Variants in MMP25 observed in about 807,000 individuals in gnomAD.
MMP25 encodes matrix metallopeptidase 25.
A neutral mutation model predicts 62.1 loss-of-function variants in MMP25; 68 were observed. The ratio of observed to expected loss-of-function variants is 1.10; its 90% CI spans 0.90 to 1.34. The LOEUF (loss-of-function observed/expected upper bound fraction) is 1.34, where lower values mean the gene tolerates loss of function less well. Ranked by LOEUF, MMP25 falls within the 40% of genes most tolerant of loss-of-function variation. MMP25 has a pLI of 0.00. For missense variants in MMP25, 942 were observed against 792.5 expected (o/e 1.19, Z -2.26); for synonymous variants, 407 against 345.6 (o/e 1.18, Z -1.97).
rs1273849750 is a variant in MMP25 at position 3,060,540 on chromosome 16, T to A, written c.*1442T>A. On this transcript the variant is annotated 3_prime_UTR_variant, in exon 10 of 10. Transcript: ENST00000336577. ...CAACCATGCGAGGGGTTGCCCCAGT[T>A]GCTCATACAAACAGATCAGCATGAG... The A allele has an allele frequency of 6.6e-6, 1 of 152,174 alleles. No homozygotes were observed. The highest frequency in any genetic ancestry group is 1.9e-4 in the East Asian group (1 of 5,188). The allele number at this position is 152,174 out of a possible 1,614,324, so 9.4% of individuals were successfully genotyped here.
Position 3,058,281 on chromosome 16 carries a change from G to A in MMP25, c.1107G>A (p.Val369=). 4 of 1,608,932 alleles carry A rather than the reference G, an allele frequency of 2.5e-6. No homozygotes were observed. Among genetic ancestry groups the A allele is most frequent in the Non-Finnish European group, 2.5e-6 (3 of 1,178,586 alleles). Residue 369 remains valine (V), a synonymous_variant, in exon 8 of 10, where the codon GTG becomes GTA. Transcript: ENST00000336577. ...FWEGLPAQVR[V]VQAAYARHRD... The stretch of plus-strand genomic sequence containing the variant: ...AGGGGCTGCCCGCCCAGGTGAGGGT[G>A]GTGCAGGCCGCCTATGCTCGGCACC...
At position 3,058,902 on chromosome 16, in the gene MMP25, C is replaced by G. The variant is rs761320147; in HGVS notation, c.1493C>G (p.Pro498Arg). Residue 498 changes from proline to arginine, a missense_variant, in exon 10 of 10, where the codon CCC (proline) becomes CGC (arginine). By Grantham distance (103) the Pro-to-Arg change is moderately radical. Coordinates refer to ENST00000336577, the MANE Select transcript of MMP25 (RefSeq NM_022468.5). ...KNSIKTEPDAPQPMGPNWLDC... is the reference protein window; with the variant it reads ...KNSIKTEPDARQPMGPNWLDC... ...AGCATCAAGACCGAGCCGGACGCCC[C>G]CCAGCCCATGGGGCCCAACTGGCTG... 7 of 1,555,278 alleles carry G rather than the reference C, an allele frequency of 4.5e-6. No homozygotes were observed. In the South Asian group the frequency reaches 5.9e-5, roughly 13 times the overall value.
In MMP25 at chr16:3,057,154, C is replaced by A. The variant is rs1376345142; in HGVS notation, c.783C>A (p.Asp261Glu). 1 of 1,613,420 alleles carries A rather than the reference C, an allele frequency of 6.2e-7. No homozygotes were observed. Among genetic ancestry groups the A allele is most frequent in the Non-Finnish European group, 8.5e-7 (1 of 1,179,724 alleles). ...MRPFYQGPVGDPDKYRLSQDD... is the reference protein window; with the variant it reads ...MRPFYQGPVGEPDKYRLSQDD... ...CCTTCTACCAGGGTCCGGTGGGCGA[C>A]CCTGACAAGTACCGCCTGTCTCAGG... Residue 261 changes from aspartate to glutamate, a missense_variant, in exon 5 of 10, where the codon GAC becomes GAA. Coordinates refer to ENST00000336577, the MANE Select transcript of MMP25 (RefSeq NM_022468.5).
intron 4 of MMP25, chr16:3,055,937 G>T (rs1217642167): frequency 2.2e-6 from 1 of 455,476 alleles, no homozygotes; most frequent in African/African-American, 2.0e-5. Flanking sequence ...GCAGTCCTGA[G>T]CGCCTGAGCT....
chr16:3,047,924 C>T (rs1041583222), intron 2 of MMP25, among the ~76,000 whole-genome samples: 1 of 151,170 alleles, frequency 6.6e-6, no homozygotes, highest in African/African-American at 2.4e-5. Context: ...ACCGCAACCT[C>T]TGCCTCCCAG....
At chr16:3,050,215 C>T (rs756902468) in intron 3 of MMP25, 39 bp from the exon 4 acceptor site, 2 of 1,575,574 alleles carry the variant, frequency 1.3e-6, no homozygotes, top group Non-Finnish European at 8.6e-7. Flanking sequence ...TGCCTGCTCC[C>T]TCCACGGCCA....
At position 3,050,554 on chromosome 16, in the gene MMP25, C is replaced by T. The variant is rs771692165; in HGVS notation, c.661+8C>T. On this transcript the variant is annotated splice_region_variant and intron_variant, in intron 4 of 9. Transcript: ENST00000336577. ...GGACTTTTGGGTCAAAAGGTAAAAT[C>T]TCCTCTCTTATGAGAGATCCTCTTG... 38 of 1,527,598 alleles carry T rather than the reference C, an allele frequency of 2.5e-5. No homozygotes were observed. The East Asian group carries it at 6.6e-4, about 26-fold the overall frequency. 94.6% of individuals were successfully genotyped at this position (1,527,598 alleles called of 1,614,324 possible). A position where few individuals can be genotyped will look rare whatever the true frequency, so the allele number is the denominator to read the frequency against.
chr16:3,057,315 G>T lies in MMP25; in HGVS notation c.844G>T (p.Ala282Ser). 1 of 1,614,000 alleles carries T rather than the reference G, an allele frequency of 6.2e-7. No homozygotes were observed. The highest frequency in any genetic ancestry group is 1.7e-5 in the Admixed American group (1 of 60,020). ...GCCTGACTCTTTCCTCACAGGGAAG[G>T]CGCCCCAAACCCCATATGACAAGCC... Reference protein sequence around the residue: ...RDGLQQLYGKAPQTPYDKPTR... With the variant: ...RDGLQQLYGKSPQTPYDKPTR... The change falls in exon 6 of 10, where the codon GCG becomes TCG. Residue 282 changes from alanine (A) to serine (S), a missense_variant. By Grantham distance (99) the Ala-to-Ser change is moderately conservative. Coordinates refer to ENST00000336577, the MANE Select transcript of MMP25 (RefSeq NM_022468.5).
intron 4 of MMP25, 117 bp downstream of exon 4, chr16:3,050,663 G>C (rs1156887951): frequency 5.6e-6 from 6 of 1,074,820 alleles, no homozygotes; most frequent in Non-Finnish European, 6.4e-6. Flanking sequence ...GCTCAGGCTA[G>C]AGTGCAGTGG....
rs1955839623 is a variant in MMP25, at chr16:3,047,624, T to C, written c.232+77T>C. 6 of 1,506,166 alleles carry C rather than the reference T, an allele frequency of 4.0e-6. No individual in the cohort carries two copies. The South Asian group carries it at 6.0e-5, about 15-fold the overall frequency. The allele number at this position is 1,506,166 out of a possible 1,614,324, so 93.3% of individuals were successfully genotyped here. On this transcript the variant is annotated intron_variant, in intron 2 of 9. Transcript: ENST00000336577. ...CCGCCCAACAGCCTTTAGACCTCAGTGTGCTCCTGGAACACGGAGCTGTGA... is the reference window on the plus strand; with the variant it reads ...CCGCCCAACAGCCTTTAGACCTCAGCGTGCTCCTGGAACACGGAGCTGTGA...
At chr16:3,051,197 ATGTGTG>A (rs554206179) in intron 4 of MMP25, 2 of 150,756 alleles carry the variant, frequency 1.3e-5, no homozygotes, top group African/African-American at 2.4e-5. Context: ...TGTGTGTGGG[ATGTGTG>A]TGTGTGTGTA....
intron 2 of MMP25, among the ~76,000 whole-genome samples, chr16:3,048,305 C>T (rs1955850862): frequency 6.6e-6 from 1 of 152,222 alleles, no homozygotes; most frequent in African/African-American, 2.4e-5. Context: ...GAGACCCAGT[C>T]TCTAACCAAA....
intron 9 of MMP25, 29 bp from the exon 10 acceptor site, chr16:3,058,798 G>A: frequency 6.7e-7 from 1 of 1,496,128 alleles, no homozygotes; most frequent in Non-Finnish European, 8.9e-7. Flanking sequence ...GGGCGGGGAG[G>A]GACCGGGACT....
At chr16:3,048,654 G>A (rs1955855026) in intron 2 of MMP25, among the ~76,000 whole-genome samples, 1 of 152,124 alleles carries the variant, frequency 6.6e-6, no homozygotes. Flanking sequence ...GCAGAAGCTT[G>A]TGTGCCTGGA....
intron 7 of MMP25, 62 bp downstream of exon 7, chr16:3,057,675 G>GAAGT: frequency 6.9e-7 from 1 of 1,456,660 alleles, no homozygotes; most frequent in Non-Finnish European, 9.6e-7. Context: ...TGACCCACTG[G>GAAGT]GGCTGTGGGC....
At chr16:3,058,040 CG>C (rs1328086688) in intron 7 of MMP25, 140 bp from the exon 8 acceptor site, 3 of 983,714 alleles carry the variant, frequency 3.0e-6, no homozygotes, top group Non-Finnish European at 4.4e-6. Context: ...AAGTCTCAGG[CG>C]GGCCAGGATG....
intron 4 of MMP25, chr16:3,054,897 G>A (rs1056524435): frequency 1.3e-5 from 2 of 155,600 alleles, no homozygotes; most frequent in Non-Finnish European, 2.9e-5. Flanking sequence ...ATGATGGTAG[G>A]TTGTTCTTGT....
intron 7 of MMP25, chr16:3,057,820 T>G (rs1031785969): frequency 1.7e-6 from 1 of 605,824 alleles, no homozygotes; most frequent in African/African-American, 1.9e-5. Flanking sequence ...CACCTCAGCC[T>G]CCCTGGTAGC....
At chr16:3,056,963 C>T (rs1415099369) in intron 4 of MMP25, 70 bp from the exon 5 acceptor site, 23 of 1,491,530 alleles carry the variant, frequency 1.5e-5, no homozygotes, top group Middle Eastern at 2.4e-4. Context: ...CAGCTGCACT[C>T]GCAGGGCCTT....
Sources: gnomAD v4.1 joint callset for allele counts (sites outside exome capture counted in the v4.1 genomes callset) on GRCh38, gnomAD v4.1.1 for gene constraint, MANE v1.5 for transcripts, NCBI Gene and HGNC (gene_info 2026-07-23, HGNC 2026-07-21) for gene names.